Variants in DNAJC11 observed in about 807,000 individuals in gnomAD.
The protein encoded by DNAJC11 is dnaJ homolog subfamily C member 11.
In DNAJC11, 15 loss-of-function variants were observed where a neutral mutation model predicts 78.6. The ratio of observed to expected loss-of-function variants is 0.19; its 90% CI spans 0.13 to 0.29. The LOEUF (loss-of-function observed/expected upper bound fraction) is 0.29, where lower values mean the gene tolerates loss of function less well. DNAJC11 is among the 10% of genes least tolerant of loss of function. The pLI, the probability that DNAJC11 is intolerant of heterozygous loss-of-function variation, is 1.00. For synonymous variants in DNAJC11, 292 were observed against 272.1 expected (o/e 1.07, Z -0.72); for missense variants, 547 against 709.6 (o/e 0.77, Z 2.60).
chr1:6,688,968 C>T (rs908877314), intron 1 of DNAJC11, among the ~76,000 whole-genome samples: 8 of 152,178 alleles, frequency 5.3e-5, no homozygotes, highest in South Asian at 2.1e-4. Flanking sequence ...CCTGACCACA[C>T]GGTGCTTCCT....
chr1:6,677,716 G>A (rs558722104), intron 3 of DNAJC11, among the ~76,000 whole-genome samples: 28 of 152,190 alleles, frequency 1.8e-4, no homozygotes, highest in Non-Finnish European at 3.5e-4. Flanking sequence ...CCAATGACTT[G>A]CCCAAGACTC....
chr1:6,687,955 T>C (rs923668658), intron 1 of DNAJC11, among the ~76,000 whole-genome samples: 1 of 152,164 alleles, frequency 6.6e-6, no homozygotes, highest in African/African-American at 2.4e-5. Flanking sequence ...TCCATTTAAT[T>C]GACAAAAACA....
chr1:6,660,224 TC>T (rs1642188238), intron 4 of DNAJC11, among the ~76,000 whole-genome samples: 2 of 151,030 alleles, frequency 1.3e-5, no homozygotes, highest in South Asian at 4.2e-4. Flanking sequence ...TGGCGAGATC[TC>T]AGCTCACTGC....
In DNAJC11 at chr1:6,634,995, G is replaced by A; in HGVS notation, c.*680C>T. 1.6e-6 allele frequency: 1 copy of A among 633,576 alleles called. No homozygotes were observed. The allele number at this position is 633,576 out of a possible 1,614,324, so 39.2% of individuals were successfully genotyped here. On this transcript the variant is annotated 3_prime_UTR_variant, in exon 16 of 16. Transcript: ENST00000377577. ...CACCGGGATACGGGAAGCCACCTGT[G>A]TCAGGGCTAGGCCCTGGGATCGGGA...
chr1:6,636,383 A>G, intron 14 of DNAJC11, 137 bp from the exon 15 acceptor site: 1 of 1,323,240 alleles, frequency 7.6e-7, no homozygotes, highest in Non-Finnish European at 1.0e-6. Context: ...ATGAAGAAAA[A>G]GAAACAAGAA....
At chr1:6,647,418 C>A (rs1167899543) in intron 7 of DNAJC11, among the ~76,000 whole-genome samples, 1 of 152,104 alleles carries the variant, frequency 6.6e-6, no homozygotes, top group Non-Finnish European at 1.5e-5. Context: ...ATGGCTTATT[C>A]GGCCGTAACT....
chr1:6,684,930 A>G (rs778401118), intron 1 of DNAJC11, among the ~76,000 whole-genome samples: 2 of 152,184 alleles, frequency 1.3e-5, no homozygotes, highest in African/African-American at 2.4e-5. Context: ...AAAGACTGAC[A>G]TCATACAAAA....
chr1:6,698,048 C>T (rs1226932401), intron 1 of DNAJC11, among the ~76,000 whole-genome samples: 1 of 152,148 alleles, frequency 6.6e-6, no homozygotes, highest in Admixed American at 6.5e-5. Context: ...TCTTGGCCTC[C>T]CAAAGTGCTG....
At chr1:6,688,044 G>A (rs1241447608) in intron 1 of DNAJC11, among the ~76,000 whole-genome samples, 1 of 152,186 alleles carries the variant, frequency 6.6e-6, no homozygotes, top group East Asian at 1.9e-4. Context: ...TTTTACAAAT[G>A]TCATTAGTGG....
chr1:6,654,682 G>A lies in DNAJC11; in HGVS notation c.379-643C>T, dbSNP rs115272393. On this transcript the variant is annotated intron_variant, in intron 4 of 15. Transcript: ENST00000377577. ...CTTTGATAGTCACAACTTTAAAAAC[G>A]GACATTATCTTAATCCAGTATATAA... 2.6e-3 allele frequency among the ~76,000 whole-genome samples: 395 copies of A among 152,062 alleles called. 1 individual carries two copies. The highest frequency in any genetic ancestry group is 4.3e-3 in the Non-Finnish European group (293 of 68,004).
intron 3 of DNAJC11, among the ~76,000 whole-genome samples, chr1:6,674,972 T>A (rs1305528367): frequency 6.6e-6 from 1 of 152,186 alleles, no homozygotes; most frequent in Non-Finnish European, 1.5e-5. Flanking sequence ...CTGAAGAGTT[T>A]AACAGTCTAA....
rs369916710 is a variant in DNAJC11, at chr1:6,639,976, G to A, written c.1179C>T (p.Thr393=). 9.6e-5 allele frequency: 155 copies of A among 1,613,586 alleles called. No individual in the cohort carries two copies. Among genetic ancestry groups the A allele is most frequent in the Admixed American group, 2.8e-4 (17 of 59,910 alleles). ...QLLPSAMFYA[T]VGPLVVYFAM... Reference sequence around the variant, plus strand: ...CAAAGTAGACCACTAGAGGCCCCACGGTGGCATAGAACATGGCGCTGGGCA... The same window carrying A: ...CAAAGTAGACCACTAGAGGCCCCACAGTGGCATAGAACATGGCGCTGGGCA... Residue 393 remains threonine, a synonymous_variant, in exon 11 of 16, where the codon ACC becomes ACT. Transcript: ENST00000377577.
At chr1:6,657,158 C>G (rs997079408) in intron 4 of DNAJC11, among the ~76,000 whole-genome samples, 3 of 152,118 alleles carry the variant, frequency 2.0e-5, no homozygotes, top group African/African-American at 7.2e-5. Context: ...TTTTGTCCAA[C>G]AGAATGCGTG....
At chr1:6,660,361 T>C (rs1642189992) in intron 4 of DNAJC11, among the ~76,000 whole-genome samples, 1 of 152,096 alleles carries the variant, frequency 6.6e-6, no homozygotes, top group Non-Finnish European at 1.5e-5. Context: ...TTTGCCATGT[T>C]GGCCAGGCTG....
intron 4 of DNAJC11, among the ~76,000 whole-genome samples, chr1:6,662,350 C>T (rs566528680): frequency 1.3e-5 from 2 of 151,980 alleles, no homozygotes; most frequent in South Asian, 4.1e-4. Context: ...CCTGCCACCA[C>T]GCCTGGCTAA....
chr1:6,673,195 CA>C (rs70981399), intron 3 of DNAJC11, among the ~76,000 whole-genome samples: 99 of 39,290 alleles, frequency 2.5e-3, no homozygotes, highest in African/African-American at 0.01. Context: ...AACTCCATCT[CA>C]AAAAAAAAAA....
intron 4 of DNAJC11, among the ~76,000 whole-genome samples, chr1:6,663,956 GGCC>G (rs1642256826): frequency 6.6e-6 from 1 of 152,148 alleles, no homozygotes; most frequent in South Asian, 2.1e-4. Flanking sequence ...CTGGACGCAG[GGCC>G]CTGGACACCA....
Position 6,644,559 on chromosome 1 carries a change from T to G in DNAJC11, c.1096A>C (p.Lys366Gln). The stretch of plus-strand genomic sequence containing the variant: ...CCGAAAGGCCTAAGTTCAACTTACT[T>G]GACTTTGAGAGAAACACCCTGTGGA... ...GVPQGVSLKV[K>Q]LNRASQTYFF... The change falls in exon 10 of 16, where the codon AAG (lysine) becomes CAG (glutamine). Residue 366 changes from lysine to glutamine, a missense_variant and splice_region_variant. Coordinates refer to ENST00000377577, the MANE Select transcript of DNAJC11 (RefSeq NM_018198.4). The G allele has an allele frequency of 6.2e-7, 1 of 1,611,782 alleles. No homozygotes were observed. Among genetic ancestry groups the G allele is most frequent in the Non-Finnish European group, 8.5e-7 (1 of 1,177,898 alleles).
In DNAJC11 at chr1:6,651,726, AAAG is replaced by A. The variant is rs1268958814; in HGVS notation, c.631-127_631-125del. On this transcript the variant is annotated intron_variant, in intron 6 of 15. Coordinates refer to ENST00000377577, the MANE Select transcript of DNAJC11 (RefSeq NM_018198.4). Reference sequence around the variant, plus strand: ...ATTCACTGGTCTTGCCAGGGCTCTAAAAGAAGGGGGTGGAAGATTGTTAATGTC... The same window carrying A: ...ATTCACTGGTCTTGCCAGGGCTCTAAAAGGGGGTGGAAGATTGTTAATGTC... 9.8e-6 allele frequency: 7 copies of A among 716,076 alleles called. No homozygotes were observed. In the East Asian group the frequency reaches 1.6e-4, roughly 17 times the overall value. 44.4% of individuals were successfully genotyped at this position (716,076 alleles called of 1,614,324 possible).
Sources: gnomAD v4.1 joint callset for allele counts (sites outside exome capture counted in the v4.1 genomes callset) on GRCh38, gnomAD v4.1.1 for gene constraint, MANE v1.5 for transcripts, NCBI Gene and HGNC (gene_info 2026-07-23, HGNC 2026-07-21) for gene names.